GAK: variants seen among roughly 807,000 people sequenced by gnomAD.
GAK encodes cyclin-G-associated kinase.
GAK carries 79 observed loss-of-function variants against 143.9 expected under a neutral mutation model. The ratio of observed to expected loss-of-function variants is 0.55; its 90% CI spans 0.46 to 0.66. The LOEUF (loss-of-function observed/expected upper bound fraction) is 0.66. GAK is among the 30% of genes least tolerant of loss of function. The probability of loss-of-function intolerance (pLI) is 0.00; values close to 1 mark genes in which losing one functional copy is unlikely to be tolerated. For missense variants in GAK, 1,693 were observed against 1,779.7 expected (o/e 0.95, Z 0.88); for synonymous variants, 881 against 765.5 (o/e 1.15, Z -2.49).
At chr4:889,752 C>G (rs1449741065) in intron 10 of GAK, among the ~76,000 whole-genome samples, 1 of 152,202 alleles carries the variant, frequency 6.6e-6, no homozygotes, top group African/African-American at 2.4e-5. Flanking sequence ...GAGCTGCAGA[C>G]CCAGCCGCTG....
intron 1 of GAK, among the ~76,000 whole-genome samples, chr4:924,217 G>C (rs533667602): frequency 1.3e-5 from 2 of 148,320 alleles, no homozygotes; most frequent in African/African-American, 5.0e-5. Flanking sequence ...ATCATCATCA[G>C]GGAAATTCCA....
At chr4:890,148 C>T (rs913317772) in intron 10 of GAK, among the ~76,000 whole-genome samples, 11 of 152,212 alleles carry the variant, frequency 7.2e-5, no homozygotes, top group African/African-American at 2.7e-4. Context: ...GGGCCTTGGG[C>T]TGTGCCAGAC....
At chr4:871,890 C>G (rs565208534) in intron 18 of GAK, among the ~76,000 whole-genome samples, 2 of 152,322 alleles carry the variant, frequency 1.3e-5, no homozygotes, top group East Asian at 3.9e-4. Flanking sequence ...GGCTCTCCAG[C>G]GGGCAGCAGG....
chr4:868,831 G>T, intron 19 of GAK, 146 bp from the exon 20 acceptor site: 1 of 768,736 alleles, frequency 1.3e-6, no homozygotes, highest in Non-Finnish European at 2.0e-6. Context: ...GACATGACGG[G>T]GAGGGGCTCT....
chr4:851,055 A>G lies in GAK; in HGVS notation c.3538T>C (p.Phe1180Leu), dbSNP rs1326613441. The G allele has an allele frequency of 6.2e-7, 1 of 1,613,902 alleles. No homozygotes were observed. The highest frequency in any genetic ancestry group is 8.5e-7 in the Non-Finnish European group (1 of 1,179,896). Reference protein sequence around the residue: ...AQKPKVSENDFEDLLSNQGFS... With the variant: ...AQKPKVSENDLEDLLSNQGFS... ...CCTTGATTGGACAACAGATCTTCAA[A>G]GTCGTTCTCAGAGACTTTTGGCTTT... The change falls in exon 26 of 28, where the codon TTT becomes CTT. Residue 1180 changes from phenylalanine to leucine, a missense_variant. Phe to Leu is a conservative substitution (Grantham distance 22). Transcript: ENST00000314167.
At chr4:889,298 G>A (rs997682457) in intron 10 of GAK, among the ~76,000 whole-genome samples, 10 of 152,254 alleles carry the variant, frequency 6.6e-5, no homozygotes, top group Non-Finnish European at 1.5e-4. Context: ...AGCTGGGGCT[G>A]GGACTCTGTC....
intron 1 of GAK, among the ~76,000 whole-genome samples, chr4:926,254 A>G (rs1724722805): frequency 6.6e-6 from 1 of 152,182 alleles, no homozygotes. Flanking sequence ...AAACCACAGA[A>G]GTAACACAGG....
chr4:865,882 G>A (rs1751083771), intron 22 of GAK, among the ~76,000 whole-genome samples: 1 of 152,266 alleles, frequency 6.6e-6, no homozygotes, highest in Admixed American at 6.5e-5. Flanking sequence ...ACCGGCGTCT[G>A]TCTAAACAAG....
chr4:881,792 T>A, intron 15 of GAK, 115 bp downstream of exon 15: 1 of 1,300,940 alleles, frequency 7.7e-7, no homozygotes, highest in South Asian at 1.6e-5. Flanking sequence ...GGCCTGCCTT[T>A]CCCACCAGCG....
At chr4:895,874 CACA>C (rs1718672096) in intron 7 of GAK, among the ~76,000 whole-genome samples, 2 of 152,204 alleles carry the variant, frequency 1.3e-5, no homozygotes, top group South Asian at 4.1e-4. Context: ...GGGCCAGATG[CACA>C]ACAAGCCATG....
rs756524716 is a variant in GAK at position 868,521 on chromosome 4, T to C, written c.2395+18A>G. 6.3e-7 allele frequency: 1 copy of C among 1,598,432 alleles called. No individual in the cohort carries two copies. Among genetic ancestry groups the C allele is most frequent in the Non-Finnish European group, 8.5e-7 (1 of 1,177,242 alleles). On this transcript the variant is annotated intron_variant, in intron 20 of 27. Transcript: ENST00000314167. Reference sequence around the variant, plus strand: ...GGCCTGCCCTCTGCAAGTGGCCAGGTCCAGGGACGCTGCCTACCCTGCCAG... The same window carrying C: ...GGCCTGCCCTCTGCAAGTGGCCAGGCCCAGGGACGCTGCCTACCCTGCCAG...
chr4:882,936 A>T (rs918927179), intron 13 of GAK, 117 bp from the exon 14 acceptor site: 1 of 1,348,540 alleles, frequency 7.4e-7, no homozygotes, highest in African/African-American at 1.4e-5. Flanking sequence ...TGTCATGAAC[A>T]GGCGTCCACC....
rs146710139 is a variant in GAK, at chr4:904,671, C to T, written c.491G>A (p.Arg164Gln). The stretch of plus-strand genomic sequence containing the variant: ...CCTGTGGATGATGGGCGGCTTCTGC[C>T]GGTGCATGTGCTGCACGGCGCGGCA... Reference protein sequence around the residue: ...QTCRAVQHMHRQKPPIIHRDL... With the variant: ...QTCRAVQHMHQQKPPIIHRDL... The change falls in exon 5 of 28, where the codon CGG becomes CAG. Residue 164 changes from arginine to glutamine, a missense_variant. This residue lies in a region of GAK where 871 missense variants were observed against 991.0 expected (regional missense o/e 0.88). Coordinates refer to ENST00000314167, the MANE Select transcript of GAK (RefSeq NM_005255.4). 548 of 1,604,652 alleles carry T rather than the reference C, an allele frequency of 3.4e-4. No individual in the cohort carries two copies. Among genetic ancestry groups the T allele is most frequent in the Middle Eastern group, 1.0e-3 (6 of 5,940 alleles).
At chr4:851,441 G>A in intron 25 of GAK, 1 of 512,048 alleles carries the variant, frequency 2.0e-6, no homozygotes, top group Non-Finnish European at 3.5e-6. Context: ...AATTCCACCT[G>A]CTGCCCCCGG....
intron 4 of GAK, among the ~76,000 whole-genome samples, chr4:907,908 G>A (rs1219887218): frequency 6.6e-6 from 1 of 152,146 alleles, no homozygotes; most frequent in African/African-American, 2.4e-5. Flanking sequence ...GTGTATTTAT[G>A]ACTTGAGGGG....
chr4:887,447 A>G (rs75214905), intron 11 of GAK: 6,991 of 143,870 alleles, frequency 0.049, 192 homozygotes, highest in Middle Eastern at 0.11. Flanking sequence ...ACTCGCACAC[A>G]TGCATACACA....
chr4:929,043 TG>T (rs1725270822), intron 1 of GAK, among the ~76,000 whole-genome samples: 2 of 152,164 alleles, frequency 1.3e-5, no homozygotes, highest in African/African-American at 4.8e-5. Flanking sequence ...ATCACAGGCG[TG>T]AGCCACTGCG....
At chr4:922,036 C>T (rs529611753) in intron 1 of GAK, among the ~76,000 whole-genome samples, 32 of 152,272 alleles carry the variant, frequency 2.1e-4, no homozygotes, top group African/African-American at 7.5e-4. Flanking sequence ...AAGAGAAACT[C>T]GCTGTTAGGG....
chr4:912,546 A>C, intron 3 of GAK, 189 bp downstream of exon 3: 1 of 538,042 alleles, frequency 1.9e-6, no homozygotes, highest in Middle Eastern at 5.0e-4. Flanking sequence ...GGCAGTAAAA[A>C]AAAAACAGAA....
Sources: allele counts gnomAD v4.1 joint callset (sites outside exome capture counted in the v4.1 genomes callset), GRCh38; gene constraint gnomAD v4.1.1; regional missense constraint gnomAD v4.1.1; transcripts MANE v1.5; gene names NCBI Gene and HGNC (gene_info 2026-07-23, HGNC 2026-07-21).